DPH6: variants seen among roughly 807,000 people sequenced by gnomAD.
DPH6 encodes diphthamine biosynthesis 6.
DPH6 carries 33 observed loss-of-function variants against 38.2 expected under a neutral mutation model. The observed-to-expected ratio is 0.86, with a 90% confidence interval of 0.65 to 1.15. The LOEUF is 1.15. Ranked by LOEUF, DPH6 falls within the 50% of genes most tolerant of loss-of-function variation. The pLI, the probability that DPH6 is intolerant of heterozygous loss-of-function variation, is 0.00. For synonymous variants in DPH6, 108 were observed against 103.0 expected (o/e 1.05, Z -0.30); for missense variants, 325 against 320.0 (o/e 1.02, Z -0.12).
At chr15:35,443,642 T>C (rs1365291349) in intron 5 of DPH6, among the ~76,000 whole-genome samples, 1 of 152,214 alleles carries the variant, frequency 6.6e-6, no homozygotes, top group Non-Finnish European at 1.5e-5. Flanking sequence ...TCCAAGGTCC[T>C]GGTCTCAACC....
intron 3 of DPH6, among the ~76,000 whole-genome samples, chr15:35,347,457 C>CTT (rs767042543): frequency 1.1e-4 from 15 of 140,448 alleles, no homozygotes; most frequent in East Asian, 6.1e-4. Flanking sequence ...CAGCCTCCTC[C>CTT]TTTTTTTTTT....
chr15:35,252,886 G>C (rs757515332), intron 3 of DPH6, among the ~76,000 whole-genome samples: 24 of 152,174 alleles, frequency 1.6e-4, no homozygotes, highest in Non-Finnish European at 3.5e-4. Flanking sequence ...GAAAACTTCA[G>C]CAACTTTCTT....
intron 3 of DPH6, among the ~76,000 whole-genome samples, chr15:35,266,151 G>A (rs1274319865): frequency 1.3e-5 from 2 of 152,152 alleles, no homozygotes; most frequent in Non-Finnish European, 2.9e-5. Context: ...CCAGGGCACA[G>A]GCTGCTATTC....
intron 3 of DPH6, among the ~76,000 whole-genome samples, chr15:35,484,089 C>T (rs1044230218): frequency 6.6e-6 from 1 of 152,146 alleles, no homozygotes; most frequent in South Asian, 2.1e-4. Flanking sequence ...GATGGCACAA[C>T]TCTAAAAACT....
chr15:35,527,713 T>C (rs893059701), intron 3 of DPH6, among the ~76,000 whole-genome samples: 4 of 152,134 alleles, frequency 2.6e-5, no homozygotes, highest in Admixed American at 6.6e-5. Context: ...GCATGGACCG[T>C]ATGGGGAAGA....
At chr15:35,447,717 T>C (rs939467046) in intron 5 of DPH6, among the ~76,000 whole-genome samples, 3 of 152,178 alleles carry the variant, frequency 2.0e-5, no homozygotes, top group Admixed American at 6.5e-5. Context: ...TGTATTGATA[T>C]TGTGTTTTGT....
At chr15:35,267,089 T>C in intron 3 of DPH6, among the ~76,000 whole-genome samples, 1 of 151,972 alleles carries the variant, frequency 6.6e-6, no homozygotes. Flanking sequence ...ATAGGATAAA[T>C]AAAATATATA....
rs151168863 is a variant in DPH6, at chr15:35,294,174, C to T, written n.201-73592G>A. Among the ~76,000 whole-genome samples, 24 of 152,288 alleles carry T rather than the reference C, an allele frequency of 1.6e-4. No homozygotes were observed. In the East Asian group the frequency reaches 3.7e-3, roughly 23 times the overall value. ...AATGCTGTAATGCCACTCCTATCCC[C>T]CTTTCCTCCTACTCCATCCCCAACC... is the stretch of plus-strand genomic sequence containing the variant. On this transcript the variant is annotated intron_variant and non_coding_transcript_variant, in intron 3 of 3. Transcript: ENST00000560386.
chr15:35,356,107 T>G (rs2052557909), intron 3 of DPH6, among the ~76,000 whole-genome samples: 1 of 152,232 alleles, frequency 6.6e-6, no homozygotes, highest in African/African-American at 2.4e-5. Flanking sequence ...CGTCACATAG[T>G]TCTCGTGCCG....
intron 3 of DPH6, among the ~76,000 whole-genome samples, chr15:35,358,682 C>A (rs1449593520): frequency 6.6e-6 from 1 of 152,152 alleles, no homozygotes; most frequent in African/African-American, 2.4e-5. Flanking sequence ...AGCAAGTCTA[C>A]CTGGCTCTGG....
chr15:35,354,985 C>T (rs112825526), intron 3 of DPH6, among the ~76,000 whole-genome samples: 5 of 152,216 alleles, frequency 3.3e-5, no homozygotes, highest in Non-Finnish European at 5.9e-5. Flanking sequence ...TGGGTGCATA[C>T]ATATTTAGGA....
intron 3 of DPH6, among the ~76,000 whole-genome samples, chr15:35,279,062 A>ATATATATATATATATATATATATATAT (rs1454693937): frequency 1.6e-5 from 2 of 122,038 alleles, no homozygotes; most frequent in African/African-American, 7.1e-5. Flanking sequence ...AAAAAAAAAA[A>ATATATATATATATATATATATATATAT]AAAAAAATAT....
chr15:35,462,702 C>T (rs2054079963), intron 3 of DPH6, among the ~76,000 whole-genome samples: 1 of 152,176 alleles, frequency 6.6e-6, no homozygotes, highest in African/African-American at 2.4e-5. Flanking sequence ...TTATTTTCTT[C>T]ACAGTACTAC....
At chr15:35,413,594 A>C (rs1425979499) in intron 5 of DPH6, among the ~76,000 whole-genome samples, 2 of 151,602 alleles carry the variant, frequency 1.3e-5, no homozygotes, top group African/African-American at 4.8e-5. Context: ...GAACACTGTG[A>C]CACCAGCTTT....
chr15:35,396,824 A>AT (rs1175824086), intron 6 of DPH6, among the ~76,000 whole-genome samples: 1 of 152,114 alleles, frequency 6.6e-6, no homozygotes, highest in Non-Finnish European at 1.5e-5. Flanking sequence ...AGTTAAAGGC[A>AT]TTTTTTTCCA....
intron 5 of DPH6, among the ~76,000 whole-genome samples, chr15:35,436,478 C>CAAACAAAAA (rs1247449769): frequency 3.3e-5 from 2 of 61,186 alleles, no homozygotes; most frequent in Non-Finnish European, 6.9e-5. Context: ...ACAAAACAAA[C>CAAACAAAAA]AAAAACAAAA....
At chr15:35,380,019 A>T (rs367786914) in intron 7 of DPH6, among the ~76,000 whole-genome samples, 10 of 152,246 alleles carry the variant, frequency 6.6e-5, no homozygotes, top group Non-Finnish European at 1.5e-5. Flanking sequence ...AAAAGCAAAG[A>T]ATATGCTTAA....
chr15:35,200,197 G>A, the DPH6 span, among the ~76,000 whole-genome samples: 1 of 151,996 alleles, frequency 6.6e-6, no homozygotes, highest in African/African-American at 2.4e-5. Flanking sequence ...AACAATACGT[G>A]GTGTTATAAT....
chr15:35,484,173 C>A (rs943780031), intron 3 of DPH6, among the ~76,000 whole-genome samples: 2 of 151,972 alleles, frequency 1.3e-5, no homozygotes, highest in Non-Finnish European at 2.9e-5. Flanking sequence ...TGAATCTATA[C>A]AAATAAATAA....
Sources: allele counts gnomAD v4.1 joint callset (sites outside exome capture counted in the v4.1 genomes callset), GRCh38; gene constraint gnomAD v4.1.1; transcripts MANE v1.5; gene names NCBI Gene and HGNC (gene_info 2026-07-23, HGNC 2026-07-21).